Variants in LGALS8 observed in about 807,000 individuals in gnomAD.
The protein encoded by LGALS8 is galectin 8, also known as galectin-8.
In LGALS8, 30 loss-of-function variants were observed where a neutral mutation model predicts 35.9. The ratio of observed to expected loss-of-function variants is 0.83; its 90% CI spans 0.62 to 1.13. LGALS8 has a LOEUF of 1.13. LGALS8 is among the 50% of genes most tolerant of loss of function. LGALS8 has a pLI of 0.00. For missense variants in LGALS8, 366 were observed against 388.7 expected, an observed-to-expected ratio of 0.94 and a Z score of 0.49; for synonymous variants, 138 against 136.1, an observed-to-expected ratio of 1.01 and a Z score of -0.10.
upstream of LGALS8, among the ~76,000 whole-genome samples, chr1:236,521,830 C>A (rs1161398727): frequency 3.9e-4 from 55 of 141,996 alleles, no homozygotes; most frequent in African/African-American, 3.9e-4. Flanking sequence ...GAGACTGCCT[C>A]AAAAAAAAAA....
chr1:236,542,238 G>A (rs532083378), intron 6 of LGALS8: 18 of 170,126 alleles, frequency 1.1e-4, no homozygotes, highest in Non-Finnish European at 2.0e-4. Flanking sequence ...TAGTCCCAGC[G>A]CTTTGGCTGA....
At chr1:236,525,203 G>T (rs988073405) in intron 1 of LGALS8, among the ~76,000 whole-genome samples, 1 of 152,072 alleles carries the variant, frequency 6.6e-6, no homozygotes, top group Middle Eastern at 3.2e-3. Context: ...GTTTAAATTG[G>T]AGGAGGAAGA....
Position 236,525,998 on chromosome 1 carries a change from C to A in LGALS8, c.-73C>A. 2 of 1,231,550 alleles carry A rather than the reference C, an allele frequency of 1.6e-6. No individual in the cohort carries two copies. Among genetic ancestry groups the A allele is most frequent in the South Asian group, 1.3e-5 (1 of 79,638 alleles). 76.3% of individuals were successfully genotyped at this position (1,231,550 alleles called of 1,614,324 possible). ...GTGCCTCAGTTTCAATCCAGGTAAC[C>A]TTTAAATGAAACTTGCCTAAAATCT... On this transcript the variant is annotated 5_prime_UTR_variant, in exon 2 of 10. Transcript: ENST00000366584.
chr1:236,549,368 C>G lies in LGALS8; in HGVS notation c.*1207C>G. On this transcript the variant is annotated 3_prime_UTR_variant, in exon 10 of 10. Transcript: ENST00000366584. ...GGTCAGATCTTGTTACAGGAAATTT[C>G]AAAGGTTTGGGAGTGGGGAGGGAAA... 1 of 172,026 alleles carries G rather than the reference C, an allele frequency of 5.8e-6. No homozygotes were observed. Among genetic ancestry groups the G allele is most frequent in the Non-Finnish European group, 1.2e-5 (1 of 81,414 alleles). 10.7% of individuals were successfully genotyped at this position (172,026 alleles called of 1,614,324 possible).
In LGALS8 at chr1:236,551,073, T is replaced by C. The variant is rs950723475; in HGVS notation, c.*2912T>C. Reference sequence around the variant, plus strand: ...TCTCATTAGTTTAATTCTTAATGCCTTGCACTTTCCGGCAATCATTCAATC... The same window carrying C: ...TCTCATTAGTTTAATTCTTAATGCCCTGCACTTTCCGGCAATCATTCAATC... On this transcript the variant is annotated 3_prime_UTR_variant, in exon 10 of 10. Coordinates refer to ENST00000366584, the MANE Select transcript of LGALS8 (RefSeq NM_201544.4). 1.6e-5 allele frequency: 18 copies of C among 1,092,872 alleles called. No homozygotes were observed. The East Asian group carries it at 3.3e-4, about 20-fold the overall frequency. 67.7% of individuals were successfully genotyped at this position (1,092,872 alleles called of 1,614,324 possible). A position where few individuals can be genotyped will look rare whatever the true frequency, so the allele number is the denominator to read the frequency against.
At chr1:236,535,567 C>T (rs909448223) in intron 2 of LGALS8, among the ~76,000 whole-genome samples, 7 of 152,220 alleles carry the variant, frequency 4.6e-5, no homozygotes, top group South Asian at 2.1e-4. Flanking sequence ...AAGAGATTAA[C>T]GCTATGAAAC....
At position 236,540,652 on chromosome 1, in the gene LGALS8, A is replaced by C; in HGVS notation, c.434A>C (p.Asn145Thr). Residue 145 changes from asparagine to threonine, a missense_variant, in exon 5 of 10, where the codon AAT (asparagine) becomes ACT (threonine). Asn to Thr is a moderately conservative substitution (Grantham distance 65). Coordinates refer to ENST00000366584, the MANE Select transcript of LGALS8 (RefSeq NM_201544.4). The part of the protein sequence containing the change: ...IDTLGIYGKV[N>T]IHSIGFSFSS... ...ACTCTGGGCATTTATGGCAAAGTGA[A>C]TATTCACTCAATTGGTTTTAGCTTC... The C allele has an allele frequency of 6.2e-7, 1 of 1,611,884 alleles. No homozygotes were observed. Among genetic ancestry groups the C allele is most frequent in the South Asian group, 1.1e-5 (1 of 90,464 alleles).
intron 2 of LGALS8, among the ~76,000 whole-genome samples, chr1:236,537,144 G>T (rs1395097788): frequency 1.3e-5 from 2 of 151,368 alleles, no homozygotes; most frequent in South Asian, 4.2e-4. Context: ...AGCCTCCCGA[G>T]TAGCTGGGAC....
rs774636251 is a variant in LGALS8 at position 236,548,581 on chromosome 1, C to T, written c.*420C>T. The T allele has an allele frequency of 3.0e-5, 8 of 268,476 alleles. No individual in the cohort carries two copies. The highest frequency in any genetic ancestry group is 4.4e-5 in the African/African-American group (2 of 45,564). 16.6% of individuals were successfully genotyped at this position (268,476 alleles called of 1,614,324 possible). ...TCTCTTGAGCTTCGACTCTTCTGTG[C>T]GCTACTGCTGCGCACTGCTTTTTCT... On this transcript the variant is annotated 3_prime_UTR_variant, in exon 10 of 10. Coordinates refer to ENST00000366584, the MANE Select transcript of LGALS8 (RefSeq NM_201544.4).
chr1:236,520,101 CAT>C (rs1660510406), upstream of LGALS8, among the ~76,000 whole-genome samples: 1 of 151,760 alleles, frequency 6.6e-6, no homozygotes, highest in African/African-American at 2.4e-5. Context: ...AAATTACAGG[CAT>C]GCGCCACAAG....
chr1:236,537,245 G>C (rs1416267788), intron 2 of LGALS8, among the ~76,000 whole-genome samples: 4 of 151,950 alleles, frequency 2.6e-5, no homozygotes, highest in Admixed American at 6.5e-5. Context: ...TCGATCTGCT[G>C]ACCTCGTGAT....
chr1:236,540,463 A>G, intron 4 of LGALS8, 101 bp from the exon 5 acceptor site: 1 of 1,329,344 alleles, frequency 7.5e-7, no homozygotes, highest in Non-Finnish European at 1.0e-6. Flanking sequence ...GAACAGGTAT[A>G]AAACTGGACG....
At chr1:236,537,449 A>G (rs115891100) in intron 2 of LGALS8, 48 bp from the exon 3 acceptor site, 1 of 1,156,464 alleles carries the variant, frequency 8.6e-7, no homozygotes, top group African/African-American at 1.5e-5. Flanking sequence ...TTGCTTAGTA[A>G]GTAATTTTGT....
chr1:236,527,831 G>A (rs1319073367), intron 2 of LGALS8, among the ~76,000 whole-genome samples: 1 of 151,986 alleles, frequency 6.6e-6, no homozygotes, highest in African/African-American at 2.4e-5. Context: ...TGCCTCCCGG[G>A]TTCAAGCAAT....
chr1:236,544,804 C>T lies in LGALS8; in HGVS notation c.693C>T (p.Asn231=), dbSNP rs1662259598. ...GKSKDIALHL[N]PRLNIKAFVR... is the part of the protein sequence containing the mutation. ...CAAAGGATATTGCTCTACACTTGAACCCACGCCTGAATATTAAAGCATTTG... is the reference window on the plus strand; with the variant it reads ...CAAAGGATATTGCTCTACACTTGAATCCACGCCTGAATATTAAAGCATTTG... The change falls in exon 9 of 10, where the codon AAC becomes AAT. Residue 231 remains asparagine, a synonymous_variant. Transcript: ENST00000366584. 1 of 1,613,814 alleles carries T rather than the reference C, an allele frequency of 6.2e-7. No homozygotes were observed. Among genetic ancestry groups the T allele is most frequent in the Non-Finnish European group, 8.5e-7 (1 of 1,179,804 alleles).
chr1:236,528,910 C>A (rs1269017336), intron 2 of LGALS8, among the ~76,000 whole-genome samples: 1 of 152,198 alleles, frequency 6.6e-6, no homozygotes, highest in South Asian at 2.1e-4. Flanking sequence ...TGCAACTGGC[C>A]TATGTATTTT....
intron 6 of LGALS8, among the ~76,000 whole-genome samples, chr1:236,542,071 C>T (rs551868329): frequency 1.3e-5 from 2 of 152,162 alleles, no homozygotes; most frequent in Admixed American, 6.5e-5. Flanking sequence ...TTTAAAAATG[C>T]GCTGTTATTA....
At position 236,528,546 on chromosome 1, in the gene LGALS8, A is replaced by ATTTTT. The variant is rs61261486; in HGVS notation, c.45+2450_45+2454dup. Among the ~76,000 whole-genome samples the ATTTTT allele has an allele frequency of 5.7e-4, 59 of 104,220 alleles. 1 individual carries two copies. The highest frequency in any genetic ancestry group is 1.9e-3 in the African/African-American group (51 of 27,128). 68.4% of individuals were successfully genotyped at this position (104,220 alleles called of 152,430 possible). ...AATTTTTATTTCATTAATGTTTCCA[A>ATTTTT]TTTTTTTTTTTTTTTTTTTTTTTAA... On this transcript the variant is annotated intron_variant, in intron 2 of 9. Coordinates refer to ENST00000366584, the MANE Select transcript of LGALS8 (RefSeq NM_201544.4).
In LGALS8 at chr1:236,544,761, A is replaced by T. The variant is rs1662256954; in HGVS notation, c.650A>T (p.Asp217Val). 4.4e-6 allele frequency: 7 copies of T among 1,599,822 alleles called. No homozygotes were observed. Among genetic ancestry groups the T allele is most frequent in the Non-Finnish European group, 6.0e-6 (7 of 1,174,694 alleles). Residue 217 changes from aspartate to valine, a missense_variant, in exon 9 of 10, where the codon GAC becomes GTC. Physicochemically the swap from Asp to Val is radical, Grantham distance 152. Coordinates refer to ENST00000366584, the MANE Select transcript of LGALS8 (RefSeq NM_201544.4). ...VNANAKSFNV[D>V]LLAGKSKDIA... ...TTCTTTCTCAAAAGCTTTAATGTTG[A>T]CCTACTAGCAGGAAAATCAAAGGAT...
Sources: allele counts gnomAD v4.1 joint callset (sites outside exome capture counted in the v4.1 genomes callset), GRCh38; gene constraint gnomAD v4.1.1; transcripts MANE v1.5; gene names NCBI Gene and HGNC (gene_info 2026-07-23, HGNC 2026-07-21).